The following LTBP1 variants were observed in gnomAD, a reference collection of about 807,000 sequenced individuals.
LTBP1 encodes latent-transforming growth factor beta-binding protein 1.
Under a neutral mutation model 207.6 loss-of-function variants are expected in LTBP1, and 129 were observed. The observed-to-expected ratio is 0.62, with a 90% CI of 0.54 to 0.72. The LOEUF is 0.72. Among genes scored for constraint, LTBP1 ranks in the 30% least tolerant of loss-of-function variants. LTBP1 has a pLI of 0.00. For synonymous variants in LTBP1, 963 were observed against 833.7 expected (o/e 1.16, Z -2.67); for missense variants, 2,281 against 2,217.2 (o/e 1.03, Z -0.58).
At chr2:33,344,003 G>A (rs1255433150) in intron 25 of LTBP1, among the ~76,000 whole-genome samples, 1 of 152,152 alleles carries the variant, frequency 6.6e-6, no homozygotes, top group Non-Finnish European at 1.5e-5. Context: ...AACTTGAGGA[G>A]TCTATTGCCT....
intron 10 of LTBP1, among the ~76,000 whole-genome samples, chr2:33,249,061 A>T (rs2092597700): frequency 6.6e-6 from 1 of 152,162 alleles, no homozygotes; most frequent in African/African-American, 2.4e-5. Flanking sequence ...GTGGAATTTC[A>T]TCCAAGAAAT....
intron 20 of LTBP1, among the ~76,000 whole-genome samples, chr2:33,295,533 CA>C (rs1191953358): frequency 6.6e-6 from 1 of 151,604 alleles, no homozygotes; most frequent in Non-Finnish European, 1.5e-5. Flanking sequence ...AATAGAGTCT[CA>C]ATGATGATAA....
At chr2:33,260,111 C>CT (rs1201484682) in intron 13 of LTBP1, among the ~76,000 whole-genome samples, 1 of 152,080 alleles carries the variant, frequency 6.6e-6, no homozygotes, top group Non-Finnish European at 1.5e-5. Context: ...TAGAATGTTG[C>CT]TTTTTGAAAA....
chr2:33,319,558 A>T (rs1337042053), intron 24 of LTBP1, among the ~76,000 whole-genome samples: 1 of 150,800 alleles, frequency 6.6e-6, no homozygotes, highest in Non-Finnish European at 1.5e-5. Context: ...ATGGGGAAAA[A>T]CCTCCTGATC....
chr2:32,976,354 C>T (rs937787780), intron 2 of LTBP1, among the ~76,000 whole-genome samples: 1 of 152,098 alleles, frequency 6.6e-6, no homozygotes, highest in Non-Finnish European at 1.5e-5. Flanking sequence ...CTTGTGTGTG[C>T]CAGAAGCTGC....
At chr2:33,396,758 G>C (rs963619184) in intron 32 of LTBP1, among the ~76,000 whole-genome samples, 2 of 152,172 alleles carry the variant, frequency 1.3e-5, no homozygotes, top group East Asian at 3.8e-4. Context: ...CTCCGATAGT[G>C]AATTCTGTTG....
chr2:33,057,954 G>A (rs972100846), intron 3 of LTBP1, among the ~76,000 whole-genome samples: 1 of 152,262 alleles, frequency 6.6e-6, no homozygotes, highest in African/African-American at 2.4e-5. Flanking sequence ...AAGAGCGAGC[G>A]AGGGCTGCGA....
chr2:33,155,212 C>T (rs532173393), intron 5 of LTBP1, among the ~76,000 whole-genome samples: 4 of 152,124 alleles, frequency 2.6e-5, no homozygotes, highest in South Asian at 2.1e-4. Flanking sequence ...ACTACAGGCG[C>T]GCGCCACCAT....
intron 9 of LTBP1, among the ~76,000 whole-genome samples, chr2:33,240,711 C>T (rs1055767487): frequency 5.2e-5 from 7 of 134,466 alleles, no homozygotes; most frequent in African/African-American, 8.8e-5. Context: ...AGTGCAGTGG[C>T]GCGATCTCGG....
intron 5 of LTBP1, among the ~76,000 whole-genome samples, chr2:33,174,042 C>T (rs1350159388): frequency 1.4e-5 from 2 of 140,846 alleles, no homozygotes; most frequent in African/African-American, 5.1e-5. Flanking sequence ...AACCCACAGC[C>T]AATATCATAC....
At chr2:33,036,123 G>A (rs7593361) in intron 3 of LTBP1, among the ~76,000 whole-genome samples, 3 of 152,188 alleles carry the variant, frequency 2.0e-5, no homozygotes, top group African/African-American at 7.2e-5. Context: ...ACATTCTTCT[G>A]TAACAGTGGC....
chr2:33,091,641 A>G (rs550278843), intron 3 of LTBP1, among the ~76,000 whole-genome samples: 1 of 152,324 alleles, frequency 6.6e-6, no homozygotes, highest in Non-Finnish European at 1.5e-5. Flanking sequence ...TTACCAGAGT[A>G]TAATGCTGAA....
In LTBP1 at chr2:32,947,244, A is replaced by C; in HGVS notation, c.-81A>C. ...TCTCGGCAGCTCTCGGGGGAGCCCG[A>C]ACGCGCGGGGAAAGGCGAGCCGCAC... On this transcript the variant is annotated 5_prime_UTR_variant, in exon 1 of 34. Transcript: ENST00000404816. 1 of 1,074,428 alleles carries C rather than the reference A, an allele frequency of 9.3e-7. No individual in the cohort carries two copies. The highest frequency in any genetic ancestry group is 1.2e-6 in the Non-Finnish European group (1 of 853,226). 66.6% of individuals were successfully genotyped at this position (1,074,428 alleles called of 1,614,324 possible).
chr2:33,282,222 T>C (rs1214597261), intron 19 of LTBP1, among the ~76,000 whole-genome samples: 3 of 152,098 alleles, frequency 2.0e-5, no homozygotes, highest in African/African-American at 7.2e-5. Flanking sequence ...TTTAGCCCCT[T>C]GTTTTGTTTT....
chr2:33,348,858 A>G (rs1030217709), intron 26 of LTBP1, among the ~76,000 whole-genome samples: 1 of 152,212 alleles, frequency 6.6e-6, no homozygotes, highest in African/African-American at 2.4e-5. Flanking sequence ...CCAATAACTA[A>G]TTGAGCTTAT....
intron 3 of LTBP1, among the ~76,000 whole-genome samples, chr2:33,109,919 G>T (rs2150248073): frequency 6.6e-6 from 1 of 152,320 alleles, no homozygotes; most frequent in African/African-American, 2.4e-5. Flanking sequence ...AGCGTTAGAA[G>T]GTCCCACTGT....
At chr2:33,194,874 G>T (rs533983613) in intron 7 of LTBP1, among the ~76,000 whole-genome samples, 3 of 152,214 alleles carry the variant, frequency 2.0e-5, no homozygotes, top group Admixed American at 2.0e-4. Flanking sequence ...AATGCAGCTG[G>T]TGACTTTTAG....
intron 2 of LTBP1, among the ~76,000 whole-genome samples, chr2:33,015,137 G>A (rs1041333010): frequency 1.3e-5 from 2 of 151,954 alleles, no homozygotes; most frequent in East Asian, 1.9e-4. Context: ...CTTCACTGTC[G>A]CTACTCTTCA....
At chr2:32,983,321 C>G (rs768942751) in intron 2 of LTBP1, among the ~76,000 whole-genome samples, 5 of 152,200 alleles carry the variant, frequency 3.3e-5, no homozygotes, top group Non-Finnish European at 5.9e-5. Flanking sequence ...CCTGTACCCT[C>G]ATTGTATCTA....
Sources: allele counts gnomAD v4.1 joint callset (sites outside exome capture counted in the v4.1 genomes callset), GRCh38; gene constraint gnomAD v4.1.1; transcripts MANE v1.5; gene names NCBI Gene and HGNC (gene_info 2026-07-23, HGNC 2026-07-21).